The following STAB2 variants were observed in gnomAD, a reference collection of about 807,000 sequenced individuals.
STAB2 encodes stabilin 2, also known as stabilin-2.
A neutral mutation model predicts 338.1 loss-of-function variants in STAB2; 288 were observed. The observed-to-expected ratio is 0.85, with a 90% confidence interval of 0.77 to 0.94. The LOEUF (loss-of-function observed/expected upper bound fraction) is 0.94. STAB2 is among the 40% of genes least tolerant of loss of function. The probability of loss-of-function intolerance (pLI) is 0.00; values close to 1 mark genes in which losing one functional copy is unlikely to be tolerated. For synonymous variants in STAB2, 1,202 were observed against 1,193.3 expected, an observed-to-expected ratio of 1.01 and a Z score of -0.15; for missense variants, 3,141 against 3,210.1, an observed-to-expected ratio of 0.98 and a Z score of 0.52.
chr12:103,725,057 T>C lies in STAB2; in HGVS notation c.4766T>C (p.Ile1589Thr), dbSNP rs772006897. 9 of 1,613,418 alleles carry C rather than the reference T, an allele frequency of 5.6e-6. No individual in the cohort carries two copies. The East Asian group carries it at 8.9e-5, about 16-fold the overall frequency. Reference sequence around the variant, plus strand: ...ACTTGTACTTGCAAGCCAAACTACATTGGAGATGGATTTACCTGCCGCGGC... The same window carrying C: ...ACTTGTACTTGCAAGCCAAACTACACTGGAGATGGATTTACCTGCCGCGGC... ...ERTCTCKPNY[I>T]GDGFTCRGSI... The change falls in exon 45 of 69, where the codon ATT becomes ACT. Residue 1589 changes from isoleucine to threonine, a missense_variant. Coordinates refer to ENST00000388887, the MANE Select transcript of STAB2 (RefSeq NM_017564.10).
intron 3 of STAB2, among the ~76,000 whole-genome samples, chr12:103,606,956 C>T (rs923061764): frequency 6.6e-6 from 1 of 152,046 alleles, no homozygotes; most frequent in Non-Finnish European, 1.5e-5. Flanking sequence ...TGCACTCCAG[C>T]CTGGGCAACA....
chr12:103,702,408 C>T (rs1237796511), intron 34 of STAB2, among the ~76,000 whole-genome samples: 1 of 151,890 alleles, frequency 6.6e-6, no homozygotes, highest in Non-Finnish European at 1.5e-5. Flanking sequence ...ACGCCGTTCT[C>T]CTGCCTCAGC....
In STAB2 at chr12:103,688,045, G is replaced by A. The variant is rs539153777; in HGVS notation, c.2998-123G>A. Reference sequence around the variant, plus strand: ...CATCAGGGAGGCAGGCCAGGACAACGAGCCTAGCCCCAGGAAGGCTGAGTG... The same window carrying A: ...CATCAGGGAGGCAGGCCAGGACAACAAGCCTAGCCCCAGGAAGGCTGAGTG... On this transcript the variant is annotated intron_variant, in intron 27 of 68. Coordinates refer to ENST00000388887, the MANE Select transcript of STAB2 (RefSeq NM_017564.10). The A allele has an allele frequency of 4.9e-5, 44 of 894,404 alleles. No homozygotes were observed. The African/African-American group carries it at 5.8e-4, about 12-fold the overall frequency. The allele number at this position is 894,404 out of a possible 1,614,324, so 55.4% of individuals were successfully genotyped here.
At chr12:103,613,464 G>T (rs540920847) in intron 3 of STAB2, among the ~76,000 whole-genome samples, 62 of 152,292 alleles carry the variant, frequency 4.1e-4, no homozygotes, top group African/African-American at 1.4e-3. Context: ...GTGAGGCTCC[G>T]TGGACGTAGG....
At chr12:103,721,675 T>C (rs1465854638) in intron 44 of STAB2, among the ~76,000 whole-genome samples, 1 of 152,154 alleles carries the variant, frequency 6.6e-6, no homozygotes. Flanking sequence ...ACTAGAGCTA[T>C]AGCAGTGGGT....
chr12:103,633,843 G>A (rs942578426), intron 6 of STAB2, among the ~76,000 whole-genome samples: 14 of 152,138 alleles, frequency 9.2e-5, no homozygotes, highest in Non-Finnish European at 1.8e-4. Flanking sequence ...TTACCCATCT[G>A]TGGGTATGAG....
At chr12:103,711,558 A>G in intron 40 of STAB2, 42 bp downstream of exon 40, 3 of 1,607,608 alleles carry the variant, frequency 1.9e-6, no homozygotes, top group Non-Finnish European at 2.6e-6. Flanking sequence ...TGTAAAGGGG[A>G]TTTTTTCCCA....
rs2139195364 is a variant in STAB2, at chr12:103,753,086, T to C, written c.6581-134T>C. Reference sequence around the variant, plus strand: ...TTAAATGATGTACTTCAACATAACTTGAAGGGAAAGTGGCTTCTGGAGACA... The same window carrying C: ...TTAAATGATGTACTTCAACATAACTCGAAGGGAAAGTGGCTTCTGGAGACA... On this transcript the variant is annotated intron_variant, in intron 60 of 68. Coordinates refer to ENST00000388887, the MANE Select transcript of STAB2 (RefSeq NM_017564.10). 8 of 1,018,662 alleles carry C rather than the reference T, an allele frequency of 7.9e-6. No homozygotes were observed. The South Asian group carries it at 1.5e-4, about 20-fold the overall frequency. 63.1% of individuals were successfully genotyped at this position (1,018,662 alleles called of 1,614,324 possible).
chr12:103,715,949 C>T (rs1240480548), intron 43 of STAB2, 61 bp downstream of exon 43: 10 of 1,564,408 alleles, frequency 6.4e-6, no homozygotes, highest in Non-Finnish European at 8.8e-6. Context: ...GGTCTTTAGA[C>T]ACAGGCCTGA....
At chr12:103,611,544 G>C (rs1458787543) in intron 3 of STAB2, among the ~76,000 whole-genome samples, 5 of 152,240 alleles carry the variant, frequency 3.3e-5, no homozygotes, top group South Asian at 2.1e-4. Context: ...TTGCTTGGTA[G>C]ATCTTCCTCC....
chr12:103,669,707 G>T, intron 21 of STAB2, 80 bp downstream of exon 21: 1 of 1,279,286 alleles, frequency 7.8e-7, no homozygotes, highest in Non-Finnish European at 1.1e-6. Flanking sequence ...GTGATATAAT[G>T]CCAGCTACTC....
In STAB2 at chr12:103,681,672, A is replaced by G. The variant is rs565814716; in HGVS notation, c.2806-1533A>G. 2.5e-5 allele frequency among the ~76,000 whole-genome samples: 3 copies of G among 118,612 alleles called. No individual in the cohort carries two copies. In the Admixed American group the frequency reaches 3.6e-4, roughly 14 times the overall value. 77.8% of individuals were successfully genotyped at this position (118,612 alleles called of 152,430 possible). ...GAGTCTCGCTCTGTTGCCAGGCTGG[A>G]GTGCAATGGTGCGATCTCGGCTCAC... On this transcript the variant is annotated intron_variant, in intron 25 of 68. Transcript: ENST00000388887.
intron 42 of STAB2, among the ~76,000 whole-genome samples, chr12:103,714,920 A>G (rs1880186476): frequency 6.6e-6 from 1 of 152,174 alleles, no homozygotes; most frequent in African/African-American, 2.4e-5. Context: ...TCATATTCTA[A>G]TTTTGTCAGT....
rs369599988 is a variant in STAB2 at position 103,759,209 on chromosome 12, C to T, written c.7184C>T (p.Thr2395Ile). The change falls in exon 65 of 69, where the codon ACC becomes ATC. Residue 2395 changes from threonine (T) to isoleucine (I), a missense_variant. By Grantham distance (89) the Thr-to-Ile change is moderately conservative (BLOSUM62 -1). Transcript: ENST00000388887. The stretch of plus-strand genomic sequence containing the variant: ...TTCTACAATGACCTTGTCAATGGCA[C>T]CACCCTGCAAACGAGGCTGGGAAGC... ...MFFYNDLVNG[T>I]TLQTRLGSKL... 8.7e-6 allele frequency: 14 copies of T among 1,614,082 alleles called. No homozygotes were observed. The highest frequency in any genetic ancestry group is 1.2e-5 in the Non-Finnish European group (14 of 1,180,048).
Position 103,750,797 on chromosome 12 carries a change from A to C in STAB2, c.6580+77A>C, listed in dbSNP as rs75862249. On this transcript the variant is annotated intron_variant, in intron 60 of 68. Transcript: ENST00000388887. ...GGAAGGGACCCTCAAGGGAAAGAAGAAAAACAAAACAGGCCAAGCCTGGTG... is the reference window on the plus strand; with the variant it reads ...GGAAGGGACCCTCAAGGGAAAGAAGCAAAACAAAACAGGCCAAGCCTGGTG... 384 of 1,497,974 alleles carry C rather than the reference A, an allele frequency of 2.6e-4. 3 individuals are homozygous for C. The East Asian group carries it at 8.1e-3, about 31-fold the overall frequency. 92.8% of individuals were successfully genotyped at this position (1,497,974 alleles called of 1,614,324 possible).
At chr12:103,672,596 C>T (rs947340502) in intron 22 of STAB2, among the ~76,000 whole-genome samples, 2 of 152,298 alleles carry the variant, frequency 1.3e-5, no homozygotes, top group South Asian at 2.1e-4. Context: ...AGCACCCACA[C>T]GAATTCCTCT....
chr12:103,653,978 ATGGATGGGTGAATGGATGGATGGT>A (rs1873986028), intron 12 of STAB2, among the ~76,000 whole-genome samples: 1 of 151,892 alleles, frequency 6.6e-6, no homozygotes, highest in South Asian at 2.1e-4. Context: ...GGATGGATGG[ATGGATGGGTGAATGGATGGATGGT>A]TGGAGAGATG....
chr12:103,762,271 C>CA lies in STAB2; in HGVS notation c.7360-2dup. Reference sequence around the variant, plus strand: ...TGGGCCCCTTTCCTTTCTTTGTGTTCAGACCTTGACCCACACTGGCTTGGG... The same window carrying CA: ...TGGGCCCCTTTCCTTTCTTTGTGTTCAAGACCTTGACCCACACTGGCTTGGG... On this transcript the variant is annotated splice_region_variant and splice_polypyrimidine_tract_variant and intron_variant, in intron 66 of 68. Coordinates refer to ENST00000388887, the MANE Select transcript of STAB2 (RefSeq NM_017564.10). 1 of 1,614,034 alleles carries CA rather than the reference C, an allele frequency of 6.2e-7. No individual in the cohort carries two copies. Among genetic ancestry groups the CA allele is most frequent in the Non-Finnish European group, 8.5e-7 (1 of 1,179,990 alleles).
intron 41 of STAB2, among the ~76,000 whole-genome samples, chr12:103,713,386 C>T (rs1006806305): frequency 2.6e-5 from 4 of 152,168 alleles, no homozygotes; most frequent in Non-Finnish European, 4.4e-5. Context: ...GGGATTCTCC[C>T]AGAGGGCCAA....
Sources: gnomAD v4.1 joint callset for allele counts (sites outside exome capture counted in the v4.1 genomes callset) on GRCh38, gnomAD v4.1.1 for gene constraint, MANE v1.5 for transcripts, NCBI Gene and HGNC (gene_info 2026-07-23, HGNC 2026-07-21) for gene names.